Variants in ZNF560 observed in about 807,000 individuals in gnomAD.
ZNF560 encodes the protein zinc finger protein 560.
ZNF560 carries 54 observed loss-of-function variants against 81.8 expected under a neutral mutation model. That is an observed-to-expected ratio of 0.66 (90% CI 0.53 to 0.83). The LOEUF (loss-of-function observed/expected upper bound fraction) is 0.83. Among genes scored for constraint, ZNF560 ranks in the 40% least tolerant of loss-of-function variants. The pLI is 0.00. For synonymous variants in ZNF560, 321 were observed against 317.9 expected, an observed-to-expected ratio of 1.01 and a Z score of -0.10; for missense variants, 940 against 932.4, an observed-to-expected ratio of 1.01 and a Z score of -0.11.
Position 9,475,423 on chromosome 19 carries a change from G to A in ZNF560, c.-56-54C>T, listed in dbSNP as rs531434244. ...AGACATAATCACAGTTCCAACATTC[G>A]CATGCATGGAAGTTATTCCAACCTG... On this transcript the variant is annotated intron_variant, in intron 2 of 9. Coordinates refer to ENST00000301480, the MANE Select transcript of ZNF560 (RefSeq NM_152476.3). 1.6e-4 allele frequency: 167 copies of A among 1,029,248 alleles called. 1 individual carries two copies. The South Asian group carries it at 2.1e-3, about 13-fold the overall frequency. The allele number at this position is 1,029,248 out of a possible 1,614,324, so 63.8% of individuals were successfully genotyped here.
At chr19:9,449,886 T>C in the ZNF560 span, among the ~76,000 whole-genome samples, 2 of 148,438 alleles carry the variant, frequency 1.3e-5, no homozygotes, top group African/African-American at 2.5e-5. Context: ...GGAGAATCAC[T>C]TGAACCCAGG....
intron 2 of ZNF560, among the ~76,000 whole-genome samples, chr19:9,490,389 C>T (rs951684132): frequency 6.6e-6 from 1 of 152,162 alleles, no homozygotes; most frequent in East Asian, 1.9e-4. Context: ...GAGGCCACAT[C>T]GAATGTCAAG....
chr19:9,487,358 G>A (rs2073402271), intron 2 of ZNF560, among the ~76,000 whole-genome samples: 1 of 152,154 alleles, frequency 6.6e-6, no homozygotes, highest in South Asian at 2.1e-4. Context: ...AAGGACAAAG[G>A]GCACTTACAA....
chr19:9,471,415 TTAA>T, intron 5 of ZNF560, 37 bp from the exon 6 acceptor site: 1 of 1,252,430 alleles, frequency 8.0e-7, no homozygotes, highest in Non-Finnish European at 1.1e-6. Flanking sequence ...TTTTTTTTTT[TTAA>T]AAAAAAAGGT....
At chr19:9,480,629 T>G (rs1449706203) in intron 2 of ZNF560, among the ~76,000 whole-genome samples, 1 of 150,182 alleles carries the variant, frequency 6.7e-6, no homozygotes, top group African/African-American at 2.5e-5. Flanking sequence ...AACCTTTAGA[T>G]AGATCAAGGG....
chr19:9,478,968 T>C (rs2073244255), intron 2 of ZNF560, among the ~76,000 whole-genome samples: 1 of 152,080 alleles, frequency 6.6e-6, no homozygotes, highest in South Asian at 2.1e-4. Context: ...AGTTCAAGAC[T>C]AGCCATGGCC....
At chr19:9,487,560 C>A (rs2073405289) in intron 2 of ZNF560, among the ~76,000 whole-genome samples, 1 of 152,162 alleles carries the variant, frequency 6.6e-6, no homozygotes. Flanking sequence ...CCATGCCATG[C>A]AGGGGTCCAT....
At chr19:9,461,059 G>A in the ZNF560 span, among the ~76,000 whole-genome samples, 1,018 of 150,992 alleles carry the variant, frequency 6.7e-3, 9 homozygotes, top group African/African-American at 0.023. Flanking sequence ...GATATGGCCC[G>A]CTGTAGGAGC....
chr19:9,473,446 C>T (rs1022257329), intron 4 of ZNF560, among the ~76,000 whole-genome samples, 187 bp from the exon 5 acceptor site: 9 of 152,032 alleles, frequency 5.9e-5, no homozygotes, highest in Non-Finnish European at 8.8e-5. Context: ...GGTGTGATGG[C>T]GTGTGCCTAT....
At chr19:9,448,427 G>A in the ZNF560 span, among the ~76,000 whole-genome samples, 1 of 126,830 alleles carries the variant, frequency 7.9e-6, no homozygotes. Context: ...GTGGAGACAG[G>A]GTTTCTCCAT....
At chr19:9,475,806 C>T (rs2073192529) in intron 2 of ZNF560, among the ~76,000 whole-genome samples, 1 of 152,046 alleles carries the variant, frequency 6.6e-6, no homozygotes, top group Non-Finnish European at 1.5e-5. Context: ...TGGGGTTTCA[C>T]CGTGTTACCC....
At chr19:9,500,054 T>C (rs1489450066), upstream of ZNF560, among the ~76,000 whole-genome samples, 1 of 152,154 alleles carries the variant, frequency 6.6e-6, no homozygotes, top group African/African-American at 2.4e-5. Context: ...TGAGAAACCT[T>C]TTATTTTATT....
chr19:9,462,551 C>T (rs1245471765), downstream of ZNF560, among the ~76,000 whole-genome samples: 1 of 152,104 alleles, frequency 6.6e-6, no homozygotes. Context: ...GTCTTTATTC[C>T]TCTAGTGCTG....
At chr19:9,489,619 G>A (rs77985698) in intron 2 of ZNF560, among the ~76,000 whole-genome samples, 1 of 144,860 alleles carries the variant, frequency 6.9e-6, no homozygotes, top group Non-Finnish European at 1.5e-5. Context: ...TTTTTTTTTT[G>A]AGACATGTCA....
chr19:9,478,845 A>G (rs1344637837), intron 2 of ZNF560, among the ~76,000 whole-genome samples: 1 of 151,144 alleles, frequency 6.6e-6, no homozygotes, highest in East Asian at 1.9e-4. Context: ...CAAAGGAAGA[A>G]ACAAAGAATA....
chr19:9,475,483 A>C, intron 2 of ZNF560, 114 bp from the exon 3 acceptor site: 1 of 614,908 alleles, frequency 1.6e-6, no homozygotes, highest in Non-Finnish European at 2.8e-6. Flanking sequence ...ATAAACTCAC[A>C]TAAATATACA....
rs146847135 is a variant in ZNF560, at chr19:9,467,553, T to C, written c.1394A>G (p.Tyr465Cys). Residue 465 changes from tyrosine (Y) to cysteine (C), a missense_variant, in exon 10 of 10, where the codon TAT (tyrosine) becomes TGT (cysteine). Physicochemically the swap from Tyr to Cys is radical, Grantham distance 194. Coordinates refer to ENST00000301480, the MANE Select transcript of ZNF560 (RefSeq NM_152476.3). ...NGEKPYEHKEYGKAFGTSSGV... is the reference protein window; with the variant it reads ...NGEKPYEHKECGKAFGTSSGV... ...TGAGGATGTACCAAAGGCCTTCCCATATTCCTTATGCTCATATGGCTTCTC... is the reference window on the plus strand; with the variant it reads ...TGAGGATGTACCAAAGGCCTTCCCACATTCCTTATGCTCATATGGCTTCTC... The C allele has an allele frequency of 1.9e-5, 30 of 1,613,906 alleles. No homozygotes were observed. The highest frequency in any genetic ancestry group is 3.3e-5 in the Admixed American group (2 of 60,018).
At chr19:9,477,680 A>G (rs2073224166) in intron 2 of ZNF560, among the ~76,000 whole-genome samples, 1 of 152,208 alleles carries the variant, frequency 6.6e-6, no homozygotes, top group South Asian at 2.1e-4. Context: ...GTCTTCTCAG[A>G]AAATCACCTT....
chr19:9,490,294 A>T (rs904501987), intron 2 of ZNF560, among the ~76,000 whole-genome samples: 3 of 152,240 alleles, frequency 2.0e-5, no homozygotes, highest in Admixed American at 1.3e-4. Context: ...AACAATCATT[A>T]AGATGAGTTC....
Sources: allele counts gnomAD v4.1 joint callset (sites outside exome capture counted in the v4.1 genomes callset), GRCh38; gene constraint gnomAD v4.1.1; transcripts MANE v1.5; gene names NCBI Gene and HGNC (gene_info 2026-07-23, HGNC 2026-07-21).